The following SBF2 variants were observed in gnomAD, a reference collection of about 807,000 sequenced individuals.
SBF2 encodes SET binding factor 2.
Under a neutral mutation model 225.2 loss-of-function variants are expected in SBF2, and 112 were observed. The ratio of observed to expected loss-of-function variants is 0.50; its 90% CI spans 0.43 to 0.58. SBF2 has a LOEUF of 0.58. Ranked by LOEUF, SBF2 falls within the 20% of genes least tolerant of loss-of-function variation. The pLI is 0.00. For missense variants in SBF2, 1,996 were observed against 2,206.2 expected (o/e 0.90, Z 1.91); for synonymous variants, 763 against 773.3 (o/e 0.99, Z 0.22).
chr11:9,897,302 A>T (rs1861343023), intron 16 of SBF2, among the ~76,000 whole-genome samples: 1 of 151,914 alleles, frequency 6.6e-6, no homozygotes, highest in Admixed American at 6.6e-5. Context: ...CAGTGGTGTG[A>T]TCTCAGCTCA....
chr11:9,878,868 C>G (rs897128872), intron 17 of SBF2, among the ~76,000 whole-genome samples: 1 of 152,126 alleles, frequency 6.6e-6, no homozygotes, highest in African/African-American at 2.4e-5. Flanking sequence ...TGCCTATGAC[C>G]GAGGGTTAAG....
At chr11:9,848,545 G>C (rs937786757) in intron 22 of SBF2, among the ~76,000 whole-genome samples, 7 of 152,134 alleles carry the variant, frequency 4.6e-5, no homozygotes, top group African/African-American at 1.4e-4. Context: ...GAGAATATGA[G>C]ATTTCACACT....
chr11:9,954,530 G>A (rs1255463145), intron 16 of SBF2, among the ~76,000 whole-genome samples: 8 of 152,074 alleles, frequency 5.3e-5, no homozygotes, highest in Admixed American at 5.2e-4. Context: ...TCTATACAAC[G>A]TTCAACAACA....
intron 26 of SBF2, among the ~76,000 whole-genome samples, chr11:9,834,244 C>T (rs1256084304): frequency 1.3e-5 from 2 of 151,930 alleles, no homozygotes; most frequent in Non-Finnish European, 2.9e-5. Context: ...AGACATGTGC[C>T]ACCACACCTG....
chr11:10,152,881 T>C (rs1226410659), intron 2 of SBF2, among the ~76,000 whole-genome samples: 1 of 152,106 alleles, frequency 6.6e-6, no homozygotes, highest in Non-Finnish European at 1.5e-5. Flanking sequence ...AAGGAATAGC[T>C]TGATCAAAGG....
intron 2 of SBF2, among the ~76,000 whole-genome samples, chr11:10,130,052 T>G (rs1953959424): frequency 6.6e-6 from 1 of 151,522 alleles, no homozygotes; most frequent in Admixed American, 6.6e-5. Flanking sequence ...ACTGGAAAAC[T>G]TAAAATAGTC....
chr11:10,270,889 G>C (rs1223336952), intron 1 of SBF2, among the ~76,000 whole-genome samples: 1 of 151,516 alleles, frequency 6.6e-6, no homozygotes, highest in Non-Finnish European at 1.5e-5. Context: ...CAGCTACTGG[G>C]GAGGCTGAGG....
intron 32 of SBF2, among the ~76,000 whole-genome samples, chr11:9,807,314 G>A (rs967042211): frequency 1.3e-5 from 2 of 152,216 alleles, no homozygotes; most frequent in Admixed American, 6.5e-5. Flanking sequence ...AGGGAGCCTA[G>A]AGCAGTCACA....
At chr11:9,964,204 G>C (rs892600336) in intron 14 of SBF2, among the ~76,000 whole-genome samples, 7 of 152,178 alleles carry the variant, frequency 4.6e-5, no homozygotes, top group Non-Finnish European at 8.8e-5. Context: ...AGCTAGGACA[G>C]CACTACTGAA....
At chr11:9,987,420 C>T (rs1947248746) in intron 13 of SBF2, among the ~76,000 whole-genome samples, 1 of 151,984 alleles carries the variant, frequency 6.6e-6, no homozygotes, top group Non-Finnish European at 1.5e-5. Context: ...CTAGCCAGAA[C>T]AATCAGACAA....
chr11:10,154,309 A>G (rs1390609955), intron 2 of SBF2, among the ~76,000 whole-genome samples: 2 of 152,148 alleles, frequency 1.3e-5, no homozygotes, highest in African/African-American at 4.8e-5. Context: ...TTCCACATAC[A>G]GGATCATTTT....
At chr11:10,283,135 T>C (rs1052951846) in intron 1 of SBF2, among the ~76,000 whole-genome samples, 6 of 152,196 alleles carry the variant, frequency 3.9e-5, no homozygotes, top group Admixed American at 3.9e-4. Context: ...ATAAGCAATT[T>C]ATCATTACTT....
intron 14 of SBF2, among the ~76,000 whole-genome samples, chr11:9,965,923 C>T (rs1019741681): frequency 3.9e-5 from 6 of 152,128 alleles, no homozygotes; most frequent in African/African-American, 1.4e-4. Context: ...AACTGAAAAT[C>T]TATCTATATT....
At chr11:10,078,793 T>C (rs1198848971) in intron 2 of SBF2, among the ~76,000 whole-genome samples, 2 of 151,872 alleles carry the variant, frequency 1.3e-5, no homozygotes, top group African/African-American at 2.4e-5. Context: ...AAAAACAAAT[T>C]TAAAAAAATT....
At chr11:9,835,875 G>A (rs1451209836) in intron 26 of SBF2, among the ~76,000 whole-genome samples, 1 of 151,852 alleles carries the variant, frequency 6.6e-6, no homozygotes, top group East Asian at 1.9e-4. Flanking sequence ...TTGATTTTGA[G>A]TAGTTTCTAG....
At chr11:9,869,103 A>C (rs2134042027) in intron 17 of SBF2, among the ~76,000 whole-genome samples, 1 of 152,366 alleles carries the variant, frequency 6.6e-6, no homozygotes, top group Non-Finnish European at 1.5e-5. Context: ...AAGCAGGATA[A>C]ATATTTGATT....
At chr11:9,818,659 G>C (rs551572790) in intron 28 of SBF2, among the ~76,000 whole-genome samples, 37 of 152,278 alleles carry the variant, frequency 2.4e-4, no homozygotes, top group African/African-American at 8.9e-4. Context: ...CTCTTTATAA[G>C]CATTTACGGG....
chr11:9,838,271 T>C (rs923938255), intron 26 of SBF2: 10 of 152,272 alleles, frequency 6.6e-5, no homozygotes, highest in Admixed American at 5.9e-4. Context: ...GGATATATAT[T>C]ACTTTTTACC....
intron 17 of SBF2, among the ~76,000 whole-genome samples, chr11:9,862,793 G>T (rs534201206): frequency 4.0e-5 from 6 of 151,764 alleles, no homozygotes; most frequent in African/African-American, 1.4e-4. Flanking sequence ...TAATTTCTCT[G>T]GTTTGAAGAA....
Sources: gnomAD v4.1 joint callset for allele counts (sites outside exome capture counted in the v4.1 genomes callset) on GRCh38, gnomAD v4.1.1 for gene constraint, MANE v1.5 for transcripts, NCBI Gene and HGNC (gene_info 2026-07-23, HGNC 2026-07-21) for gene names.